The following TIAM1 variants were observed in gnomAD, a reference collection of about 807,000 sequenced individuals.
The protein encoded by TIAM1 is TIAM Rac1 associated GEF 1.
A neutral mutation model predicts 163.5 loss-of-function variants in TIAM1; 65 were observed. The observed-to-expected ratio is 0.40, with a 90% confidence interval of 0.33 to 0.49. The LOEUF (loss-of-function observed/expected upper bound fraction) is 0.49, where lower values mean the gene tolerates loss of function less well. TIAM1 is among the 20% of genes least tolerant of loss of function. TIAM1 has a pLI of 0.77. For missense variants in TIAM1, 1,789 were observed against 2,044.7 expected (o/e 0.87, Z 2.41); for synonymous variants, 833 against 810.1 (o/e 1.03, Z -0.48).
At chr21:31,544,391 C>T (rs1327265102) in intron 1 of TIAM1, among the ~76,000 whole-genome samples, 1 of 57,616 alleles carries the variant, frequency 1.7e-5, no homozygotes, top group East Asian at 2.0e-3. Flanking sequence ...CATTTGGTTC[C>T]GGTGAAATGG....
At chr21:31,168,796 AATG>A (rs1375778057) in intron 15 of TIAM1, among the ~76,000 whole-genome samples, 1 of 152,130 alleles carries the variant, frequency 6.6e-6, no homozygotes, top group African/African-American at 2.4e-5. Context: ...ATTCACTCTT[AATG>A]ATGATATCAT....
chr21:31,429,889 C>T (rs1008943779), intron 2 of TIAM1, among the ~76,000 whole-genome samples: 7 of 152,122 alleles, frequency 4.6e-5, no homozygotes, highest in African/African-American at 9.7e-5. Context: ...CAACAGTCTT[C>T]CACAGACTTC....
Position 31,427,353 on chromosome 21 carries a change from G to A in TIAM1, c.-369+36630C>T, listed in dbSNP as rs142698607. Among the ~76,000 whole-genome samples, 868 of 152,168 alleles carry A rather than the reference G, an allele frequency of 5.7e-3. 6 individuals carry two copies. The highest frequency in any genetic ancestry group is 0.016 in the African/African-American group (664 of 41,508). On this transcript the variant is annotated intron_variant, in intron 2 of 28. Coordinates refer to the TIAM1 transcript ENST00000286827. The stretch of plus-strand genomic sequence containing the variant: ...ATGCAAAAAATTGGCCGGGCGTGGT[G>A]GTGGGCGCCTGTAGTCCCAGCTACT...
At chr21:31,169,294 A>AAAAAAT (rs2084393130) in intron 15 of TIAM1, among the ~76,000 whole-genome samples, 1 of 150,938 alleles carries the variant, frequency 6.6e-6, no homozygotes, top group African/African-American at 2.4e-5. Flanking sequence ...ACTCCGTCTC[A>AAAAAAT]AATAATAATA....
intron 2 of TIAM1, among the ~76,000 whole-genome samples, chr21:31,461,622 C>T (rs967526467): frequency 3.9e-5 from 6 of 152,190 alleles, no homozygotes; most frequent in African/African-American, 1.4e-4. Flanking sequence ...AGGATAATGT[C>T]TCACATGTAC....
At chr21:31,440,743 T>C (rs1345143403) in intron 2 of TIAM1, among the ~76,000 whole-genome samples, 1 of 152,036 alleles carries the variant, frequency 6.6e-6, no homozygotes, top group Non-Finnish European at 1.5e-5. Context: ...TAGCTGGGTG[T>C]GGTGGCGTGT....
At position 31,266,842 on chromosome 21, in the gene TIAM1, G is replaced by T; in HGVS notation, c.131C>A (p.Ser44Ter). ...HKTRRTRHAS[S>*]GKVIHRNSEV... is the part of the protein sequence containing the mutation. ...GGAGTTCCTGTGGATCACCTTCCCC[G>T]AGGAAGCGTGCCTGGTCCTCCGCGT... Residue 44 changes from serine (S) to a stop codon, truncating the protein, a stop_gained, in exon 4 of 28, where the codon TCG becomes TAG. Coordinates refer to ENST00000541036, the MANE Select transcript of TIAM1 (RefSeq NM_001353694.2). LOFTEE classifies it high-confidence loss of function. 2 of 1,614,166 alleles carry T rather than the reference G, an allele frequency of 1.2e-6. No homozygotes were observed. Among genetic ancestry groups the T allele is most frequent in the Non-Finnish European group, 8.5e-7 (1 of 1,180,038 alleles).
chr21:31,381,325 A>G (rs1376235456), intron 2 of TIAM1, among the ~76,000 whole-genome samples: 24 of 146,774 alleles, frequency 1.6e-4, no homozygotes, highest in Admixed American at 1.6e-3. Context: ...AAGAGACACT[A>G]CCAGCCTAGA....
At chr21:31,260,119 T>C (rs1182591325) in intron 4 of TIAM1, among the ~76,000 whole-genome samples, 1 of 149,324 alleles carries the variant, frequency 6.7e-6, no homozygotes, top group Non-Finnish European at 1.5e-5. Context: ...TTTTTTTTTT[T>C]TTTTAGAGGC....
At chr21:31,440,475 A>G (rs758527093) in intron 2 of TIAM1, among the ~76,000 whole-genome samples, 4 of 152,244 alleles carry the variant, frequency 2.6e-5, no homozygotes, top group Non-Finnish European at 4.4e-5. Flanking sequence ...GCCTTTAAAA[A>G]AAAGTCACAA....
intron 2 of TIAM1, among the ~76,000 whole-genome samples, chr21:31,412,567 G>A (rs7275882): frequency 0.12 from 18,055 of 151,606 alleles, 1,571 homozygotes; most frequent in African/African-American, 0.24. Context: ...GGATCACCTG[G>A]GGTCAGGAGT....
intron 15 of TIAM1, among the ~76,000 whole-genome samples, chr21:31,166,611 C>T (rs1331465324): frequency 2.0e-5 from 3 of 152,218 alleles, no homozygotes; most frequent in African/African-American, 7.2e-5. Flanking sequence ...CACCTTTTGG[C>T]TCTGGCTCTT....
intron 1 of TIAM1, among the ~76,000 whole-genome samples, chr21:31,527,190 A>G (rs1367651362): frequency 6.6e-6 from 1 of 152,116 alleles, no homozygotes; most frequent in Non-Finnish European, 1.5e-5. Context: ...AAAACTCTCC[A>G]TGCCTCCTGC....
In TIAM1 at chr21:31,143,729, C is replaced by CT. The variant is rs545023367; in HGVS notation, c.3476-2226dup. 2.1e-3 allele frequency among the ~76,000 whole-genome samples: 300 copies of CT among 143,022 alleles called. 1 individual carries two copies. Among genetic ancestry groups the CT allele is most frequent in the African/African-American group, 3.6e-3 (143 of 39,412 alleles). The allele number at this position is 143,022 out of a possible 152,430, so 93.8% of individuals were successfully genotyped here. Reference sequence around the variant, plus strand: ...GGGCATCAGAACATGATTCTTCTGTCTTTTTTTTTTTTTTCTGAGACGGAG... The same window carrying CT: ...GGGCATCAGAACATGATTCTTCTGTCTTTTTTTTTTTTTTTCTGAGACGGAG... On this transcript the variant is annotated intron_variant, in intron 20 of 27. Coordinates refer to ENST00000541036, the MANE Select transcript of TIAM1 (RefSeq NM_001353694.2).
chr21:31,284,566 T>C (rs993645747), intron 2 of TIAM1, among the ~76,000 whole-genome samples: 2 of 152,178 alleles, frequency 1.3e-5, no homozygotes, highest in Non-Finnish European at 2.9e-5. Flanking sequence ...TCACCCAGGC[T>C]GGAGTGCAGT....
Position 31,266,312 on chromosome 21 carries a change from G to A in TIAM1, c.661C>T (p.Arg221Trp), listed in dbSNP as rs201729453. 25 of 1,614,176 alleles carry A rather than the reference G, an allele frequency of 1.5e-5. No individual in the cohort carries two copies. Among genetic ancestry groups the A allele is most frequent in the East Asian group, 1.3e-4 (6 of 44,880 alleles). ...ARGMETRASPRQLSTCQRANS... is the reference protein window; with the variant it reads ...ARGMETRASPWQLSTCQRANS... The stretch of plus-strand genomic sequence containing the variant: ...GCTCTCTGACAGGTGCTGAGCTGCC[G>A]CGGACTCGCCCGCGTTTCCATCCCC... The change falls in exon 4 of 28, where the codon CGG (arginine) becomes TGG (tryptophan). Residue 221 changes from arginine (R) to tryptophan (W), a missense_variant. Physicochemically the swap from Arg to Trp is moderately radical, Grantham distance 101. Transcript: ENST00000541036.
At chr21:31,385,418 G>C (rs1194872566) in intron 2 of TIAM1, among the ~76,000 whole-genome samples, 2 of 152,108 alleles carry the variant, frequency 1.3e-5, no homozygotes, top group Non-Finnish European at 2.9e-5. Flanking sequence ...AAGGCTGTGG[G>C]CTGCTACGAA....
intron 2 of TIAM1, among the ~76,000 whole-genome samples, chr21:31,396,297 C>G (rs143699936): frequency 6.6e-6 from 1 of 152,154 alleles, no homozygotes; most frequent in Admixed American, 6.5e-5. Context: ...GCCTTTCCCA[C>G]GCATGCCTCC....
At chr21:31,498,730 G>C (rs2046748502) in intron 1 of TIAM1, among the ~76,000 whole-genome samples, 1 of 152,160 alleles carries the variant, frequency 6.6e-6, no homozygotes, top group African/African-American at 2.4e-5. Flanking sequence ...TGGATCACCT[G>C]AGGTCAAGAG....
Sources: gnomAD v4.1 joint callset for allele counts (sites outside exome capture counted in the v4.1 genomes callset) on GRCh38, gnomAD v4.1.1 for gene constraint, MANE v1.5 for transcripts, NCBI Gene and HGNC (gene_info 2026-07-23, HGNC 2026-07-21) for gene names.